The following SIPA1L3 variants were observed in gnomAD, a reference collection of about 807,000 sequenced individuals.
SIPA1L3 encodes the protein signal-induced proliferation-associated 1-like protein 3.
A neutral mutation model predicts 150.1 loss-of-function variants in SIPA1L3; 59 were observed. The ratio of observed to expected loss-of-function variants is 0.39; its 90% confidence interval spans 0.32 to 0.49. SIPA1L3 has a LOEUF of 0.49. SIPA1L3 is among the 20% of genes least tolerant of loss of function. The probability of loss-of-function intolerance (pLI) is 0.86; values close to 1 mark genes in which losing one functional copy is unlikely to be tolerated. For synonymous variants in SIPA1L3, 1,070 were observed against 1,077.6 expected (o/e 0.99, Z 0.14); for missense variants, 2,211 against 2,489.5 (o/e 0.89, Z 2.38).
intron 1 of SIPA1L3, among the ~76,000 whole-genome samples, chr19:37,990,339 A>G (rs374520978): frequency 1.3e-5 from 2 of 152,180 alleles, no homozygotes. Context: ...ATTCATTCCT[A>G]TGTATCTTTT....
intron 1 of SIPA1L3, among the ~76,000 whole-genome samples, chr19:38,028,433 C>A (rs1311720944): frequency 6.6e-6 from 1 of 152,166 alleles, no homozygotes; most frequent in Admixed American, 6.5e-5. Context: ...GTCACATGAT[C>A]TGTGGTCTCA....
intron 1 of SIPA1L3, among the ~76,000 whole-genome samples, chr19:37,982,385 G>A (rs1249931439): frequency 6.6e-6 from 1 of 152,244 alleles, no homozygotes; most frequent in South Asian, 2.1e-4. Context: ...GGGCCAGGGA[G>A]CACCTACTGT....
chr19:38,149,895 C>T (rs941575608), intron 12 of SIPA1L3, among the ~76,000 whole-genome samples: 16 of 152,294 alleles, frequency 1.1e-4, no homozygotes, highest in African/African-American at 3.4e-4. Context: ...CTGCAGCATC[C>T]GCCACTCAGA....
chr19:38,141,258 G>T lies in SIPA1L3; in HGVS notation c.3218G>T (p.Arg1073Leu), dbSNP rs752095400. 3 of 1,613,612 alleles carry T rather than the reference G, an allele frequency of 1.9e-6. No individual in the cohort carries two copies. The highest frequency in any genetic ancestry group is 2.5e-6 in the Non-Finnish European group (3 of 1,179,824). Residue 1073 changes from arginine (R) to leucine (L), a missense_variant, in exon 11 of 22, where the codon CGG becomes CTG. By Grantham distance (102) the Arg-to-Leu change is moderately radical. Coordinates refer to ENST00000222345, the MANE Select transcript of SIPA1L3 (RefSeq NM_015073.3). ...TEQESITPGG[R>L]PPYRSNAPWQ... ...CAGGAAAGCATCACTCCTGGGGGCC[G>T]GCCCCCCTACCGCAGCAATGCTCCC...
chr19:38,016,532 G>T (rs994843015), intron 1 of SIPA1L3, among the ~76,000 whole-genome samples: 1 of 151,964 alleles, frequency 6.6e-6, no homozygotes, highest in Non-Finnish European at 1.5e-5. Flanking sequence ...AGTCTCTGTC[G>T]CTGAGGCTAG....
chr19:38,187,263 C>A (rs1027349676), intron 16 of SIPA1L3, among the ~76,000 whole-genome samples: 1 of 151,914 alleles, frequency 6.6e-6, no homozygotes, highest in African/African-American at 2.4e-5. Flanking sequence ...ACCAGCCTGG[C>A]CAACATGGTG....
chr19:38,032,661 G>A (rs1968678185), intron 2 of SIPA1L3, among the ~76,000 whole-genome samples: 1 of 152,074 alleles, frequency 6.6e-6, no homozygotes, highest in African/African-American at 2.4e-5. Flanking sequence ...CCAACATGGT[G>A]GCCGTCTCTA....
chr19:38,093,753 G>A (rs1341088944), intron 4 of SIPA1L3, among the ~76,000 whole-genome samples: 3 of 152,160 alleles, frequency 2.0e-5, no homozygotes, highest in African/African-American at 2.4e-5. Flanking sequence ...AGACAGTCTC[G>A]AGTGGACCTG....
chr19:38,170,976 C>T (rs889259873), intron 15 of SIPA1L3, among the ~76,000 whole-genome samples: 1 of 152,032 alleles, frequency 6.6e-6, no homozygotes, highest in Non-Finnish European at 1.5e-5. Context: ...TATAGACACA[C>T]ACACTTTCTG....
chr19:37,973,093 G>A (rs1966981060), intron 1 of SIPA1L3, among the ~76,000 whole-genome samples: 1 of 151,186 alleles, frequency 6.6e-6, no homozygotes, highest in Non-Finnish European at 1.5e-5. Context: ...AGGTATTGGG[G>A]GACAAGAAGT....
Position 38,056,490 on chromosome 19 carries a change from C to G in SIPA1L3, c.-310-24766C>G, listed in dbSNP as rs376446590. On this transcript the variant is annotated intron_variant, in intron 2 of 21. Transcript: ENST00000222345. ...CCTTCCATGCCATCTTCCTTGGCCA[C>G]CCACTCTCCAGCACCCTGCTCCCAT... Among the ~76,000 whole-genome samples the G allele has an allele frequency of 2.3e-3, 348 of 152,336 alleles. 2 individuals carry two copies. The highest frequency in any genetic ancestry group is 8.1e-3 in the African/African-American group (335 of 41,574).
In SIPA1L3 at chr19:37,957,495, G is replaced by A. The variant is rs182265473; in HGVS notation, c.-379+50137G>A. Among the ~76,000 whole-genome samples, 189 of 151,720 alleles carry A rather than the reference G, an allele frequency of 1.2e-3. 1 individual carries two copies. Among genetic ancestry groups the A allele is most frequent in the African/African-American group, 4.4e-3 (182 of 41,350 alleles). On this transcript the variant is annotated intron_variant, in intron 1 of 21. Transcript: ENST00000222345. ...TTTCAGTGTACAAGTCTACACTTATGTTAAATTTATTCTTATGTATTTTTT... is the reference window on the plus strand; with the variant it reads ...TTTCAGTGTACAAGTCTACACTTATATTAAATTTATTCTTATGTATTTTTT...
chr19:38,151,059 T>C (rs1459802262), intron 12 of SIPA1L3, among the ~76,000 whole-genome samples: 2 of 152,204 alleles, frequency 1.3e-5, no homozygotes, highest in African/African-American at 4.8e-5. Flanking sequence ...GCCTCCTCTC[T>C]TCCACCATCA....
intron 9 of SIPA1L3, among the ~76,000 whole-genome samples, chr19:38,122,024 C>T (rs1054876535): frequency 1.3e-5 from 2 of 151,698 alleles, no homozygotes; most frequent in African/African-American, 2.4e-5. Flanking sequence ...GGTTCAAGAC[C>T]AGCCTGGCCA....
intron 1 of SIPA1L3, among the ~76,000 whole-genome samples, chr19:37,979,160 C>A (rs1967140972): frequency 6.6e-6 from 1 of 152,036 alleles, no homozygotes; most frequent in Non-Finnish European, 1.5e-5. Context: ...AACTCACTGC[C>A]TGTTTTTGTA....
chr19:38,055,478 A>G (rs60084813), intron 2 of SIPA1L3, among the ~76,000 whole-genome samples: 1,870 of 152,312 alleles, frequency 0.012, 41 homozygotes, highest in African/African-American at 0.042. Flanking sequence ...GCTTCGCCAA[A>G]AGGTCCCATC....
intron 2 of SIPA1L3, among the ~76,000 whole-genome samples, chr19:38,059,378 A>T (rs538823605): frequency 7.2e-6 from 1 of 138,182 alleles, no homozygotes; most frequent in African/African-American, 2.8e-5. Flanking sequence ...ATCTCGGCTC[A>T]CTGCAGCCTC....
At chr19:38,023,117 C>T (rs75040912) in intron 1 of SIPA1L3, among the ~76,000 whole-genome samples, 49 of 152,324 alleles carry the variant, frequency 3.2e-4, no homozygotes, top group African/African-American at 9.1e-4. Flanking sequence ...TGTCTGTGAG[C>T]CCACTCTACC....
intron 3 of SIPA1L3, 42 bp downstream of exon 3, chr19:38,083,141 G>A (rs1461145779): frequency 6.5e-7 from 1 of 1,549,658 alleles, no homozygotes; most frequent in South Asian, 1.2e-5. Context: ...GTGGGCCGAG[G>A]CTTGCCTCCG....
Sources: gnomAD v4.1 joint callset for allele counts (sites outside exome capture counted in the v4.1 genomes callset) on GRCh38, gnomAD v4.1.1 for gene constraint, MANE v1.5 for transcripts, NCBI Gene and HGNC (gene_info 2026-07-23, HGNC 2026-07-21) for gene names.